ZFHX3: variants seen among roughly 807,000 people sequenced by gnomAD.
ZFHX3 encodes zinc finger homeobox 3.
Under a neutral mutation model 279.1 loss-of-function variants are expected in ZFHX3, and 42 were observed. The ratio of observed to expected loss-of-function variants is 0.15; its 90% CI spans 0.12 to 0.19. The LOEUF (loss-of-function observed/expected upper bound fraction) is 0.19, where lower values mean the gene tolerates loss of function less well. Among genes scored for constraint, ZFHX3 ranks in the 10% least tolerant of loss-of-function variants. The pLI is 1.00. For synonymous variants in ZFHX3, 2,293 were observed against 1,957.8 expected (o/e 1.17, Z -4.52); for missense variants, 4,981 against 4,754.0 (o/e 1.05, Z -1.40).
intron 1 of ZFHX3, among the ~76,000 whole-genome samples, chr16:73,864,537 G>A (rs1961961989): frequency 1.3e-5 from 2 of 152,150 alleles, no homozygotes; most frequent in Admixed American, 6.5e-5. Context: ...TGGACAACAT[G>A]GTGAAACCCT....
intron 1 of ZFHX3, among the ~76,000 whole-genome samples, chr16:73,880,078 T>C (rs1035841818): frequency 1.3e-5 from 2 of 152,182 alleles, no homozygotes; most frequent in East Asian, 3.9e-4. Context: ...ATCTCCATTC[T>C]ACACGTTCCA....
At chr16:73,624,959 T>C (rs1192087131) in intron 2 of ZFHX3, among the ~76,000 whole-genome samples, 1 of 152,260 alleles carries the variant, frequency 6.6e-6, no homozygotes, top group Non-Finnish European at 1.5e-5. Flanking sequence ...AATGTATTGC[T>C]GATGGTCCCA....
chr16:73,672,724 T>C (rs1236030686), intron 2 of ZFHX3, among the ~76,000 whole-genome samples: 2 of 127,690 alleles, frequency 1.6e-5, no homozygotes, highest in Admixed American at 8.7e-5. Flanking sequence ...ATTAAAAGGA[T>C]CAGAAGAAAG....
intron 1 of ZFHX3, among the ~76,000 whole-genome samples, chr16:72,987,687 G>A (rs371238245): frequency 1.6e-4 from 24 of 152,290 alleles, no homozygotes; most frequent in East Asian, 3.9e-4. Context: ...AGTATCATTC[G>A]TTTGCCAAAG....
At chr16:73,200,223 T>C (rs188645605) in intron 5 of ZFHX3, among the ~76,000 whole-genome samples, 14 of 152,290 alleles carry the variant, frequency 9.2e-5, no homozygotes, top group Admixed American at 7.8e-4. Flanking sequence ...TCGTATTAAA[T>C]TGGTGGAATT....
intron 4 of ZFHX3, among the ~76,000 whole-genome samples, chr16:72,873,519 T>C (rs2038219130): frequency 6.6e-6 from 1 of 152,252 alleles, no homozygotes; most frequent in African/African-American, 2.4e-5. Context: ...CATCATTCCA[T>C]TATCACTACG....
chr16:73,021,587 T>C (rs574924747), intron 1 of ZFHX3, among the ~76,000 whole-genome samples: 5 of 152,060 alleles, frequency 3.3e-5, no homozygotes, highest in Admixed American at 1.3e-4. Context: ...TACCATCACT[T>C]TGGGAGGCTG....
chr16:72,789,622 G>A (rs2035611883), intron 9 of ZFHX3: 1 of 152,250 alleles, frequency 6.6e-6, no homozygotes, highest in African/African-American at 2.4e-5. Context: ...GCTTTCGGAG[G>A]GTAGAGAGAA....
intron 4 of ZFHX3, among the ~76,000 whole-genome samples, chr16:73,311,172 G>A (rs1301425226): frequency 1.3e-5 from 2 of 152,138 alleles, no homozygotes; most frequent in Non-Finnish European, 2.9e-5. Context: ...GGCAGAGGTT[G>A]CAGAGAGCCA....
intron 2 of ZFHX3, chr16:73,504,936 TGAG>T (rs2143673105): frequency 6.6e-6 from 1 of 150,836 alleles, no homozygotes; most frequent in South Asian, 2.1e-4. Flanking sequence ...CAAAATGAAA[TGAG>T]GAAAAAAAGA....
chr16:72,796,018 G>T lies in ZFHX3; in HGVS notation c.6664C>A (p.Leu2222Ile). ...GAAGGGGGCCGGGAGTCAATCTTGA[G>T]CTCCTCCAGGCTGGTGATAGGAGGA... ...SNPPITSLEELKIDSRPPSPE... is the reference protein window; with the variant it reads ...SNPPITSLEEIKIDSRPPSPE... The change falls in exon 9 of 10, where the codon CTC becomes ATC. Residue 2222 changes from leucine (L) to isoleucine (I), a missense_variant. Transcript: ENST00000268489. 6.2e-7 allele frequency: 1 copy of T among 1,614,198 alleles called. No individual in the cohort carries two copies. The highest frequency in any genetic ancestry group is 1.3e-5 in the African/African-American group (1 of 75,050).
At chr16:72,862,005 A>C (rs948824436) in intron 4 of ZFHX3, among the ~76,000 whole-genome samples, 1 of 152,076 alleles carries the variant, frequency 6.6e-6, no homozygotes, top group South Asian at 2.1e-4. Flanking sequence ...ACAGAGCAGG[A>C]CTCCATCTCA....
At chr16:72,956,786 T>C (rs1188688971) in intron 2 of ZFHX3, among the ~76,000 whole-genome samples, 2 of 151,100 alleles carry the variant, frequency 1.3e-5, no homozygotes, top group East Asian at 3.9e-4. Flanking sequence ...TAATTCCCAA[T>C]TAATTTCCAA....
At chr16:73,865,323 G>C (rs1044049363) in intron 1 of ZFHX3, among the ~76,000 whole-genome samples, 4 of 152,168 alleles carry the variant, frequency 2.6e-5, no homozygotes, top group African/African-American at 9.7e-5. Context: ...ATGCAAATAG[G>C]CCATGCAGAG....
intron 2 of ZFHX3, among the ~76,000 whole-genome samples, chr16:73,466,395 A>G (rs994649526): frequency 1.3e-5 from 2 of 152,160 alleles, no homozygotes; most frequent in African/African-American, 2.4e-5. Flanking sequence ...AGGTGGGAGG[A>G]TCACTTGATC....
chr16:72,998,520 G>A (rs1258764521), intron 1 of ZFHX3, among the ~76,000 whole-genome samples: 2 of 152,196 alleles, frequency 1.3e-5, no homozygotes, highest in East Asian at 1.9e-4. Context: ...GTTTTATTAA[G>A]ACAGTTTCCC....
intron 2 of ZFHX3, among the ~76,000 whole-genome samples, chr16:73,517,935 A>G (rs537939779): frequency 3.5e-4 from 54 of 152,342 alleles, no homozygotes; most frequent in African/African-American, 1.2e-3. Context: ...ATTAACTTTA[A>G]TAATGTGTTT....
chr16:73,272,034 C>T (rs1317835112), intron 4 of ZFHX3, among the ~76,000 whole-genome samples: 1 of 152,214 alleles, frequency 6.6e-6, no homozygotes, highest in Non-Finnish European at 1.5e-5. Context: ...CTCAGGGAGG[C>T]TGTATAACCA....
chr16:73,226,018 C>T (rs1447679799), intron 5 of ZFHX3, among the ~76,000 whole-genome samples: 1 of 152,174 alleles, frequency 6.6e-6, no homozygotes, highest in Admixed American at 6.5e-5. Flanking sequence ...CCCCAAGCCT[C>T]TTCATGGAAG....
Sources: allele counts gnomAD v4.1 joint callset (sites outside exome capture counted in the v4.1 genomes callset), GRCh38; gene constraint gnomAD v4.1.1; transcripts MANE v1.5; gene names NCBI Gene and HGNC (gene_info 2026-07-23, HGNC 2026-07-21).